The following RYR3 variants were observed in gnomAD, a reference collection of about 807,000 sequenced individuals.
RYR3 encodes the protein brain ryanodine receptor-calcium release channel.
RYR3 carries 207 observed loss-of-function variants against 584.3 expected under a neutral mutation model. The ratio of observed to expected loss-of-function variants is 0.35; its 90% confidence interval spans 0.32 to 0.40. The LOEUF (loss-of-function observed/expected upper bound fraction) is 0.40, where lower values mean the gene tolerates loss of function less well. Ranked by LOEUF, RYR3 falls within the 10% of genes least tolerant of loss-of-function variation. The pLI is 1.00. For synonymous variants in RYR3, 2,416 were observed against 2,248.5 expected (o/e 1.07, Z -2.11); for missense variants, 5,616 against 6,089.2 (o/e 0.92, Z 2.59).
chr15:33,832,671 A>T (rs1463787201), intron 86 of RYR3, among the ~76,000 whole-genome samples: 1 of 151,282 alleles, frequency 6.6e-6, no homozygotes, highest in Non-Finnish European at 1.5e-5. Flanking sequence ...AAAAAAAAAA[A>T]ACCCTACATA....
intron 3 of RYR3, among the ~76,000 whole-genome samples, chr15:33,519,980 C>T (rs936080154): frequency 6.6e-6 from 1 of 152,032 alleles, no homozygotes; most frequent in Non-Finnish European, 1.5e-5. Context: ...CGATCTCCAA[C>T]TAGGAAAATC....
At chr15:33,792,161 AAAGG>A (rs2152919953) in intron 67 of RYR3, among the ~76,000 whole-genome samples, 1 of 152,326 alleles carries the variant, frequency 6.6e-6, no homozygotes, top group South Asian at 2.1e-4. Flanking sequence ...AAGCATGGAT[AAAGG>A]AAGGGGAATG....
intron 1 of RYR3, among the ~76,000 whole-genome samples, chr15:33,379,687 C>CTCTATATATATATA: frequency 2.4e-5 from 3 of 125,500 alleles, no homozygotes; most frequent in South Asian, 2.5e-4. Context: ...CTCTCTCTCT[C>CTCTATATATATATA]TATATATATA....
At chr15:33,477,610 T>C in intron 2 of RYR3, among the ~76,000 whole-genome samples, 1 of 143,382 alleles carries the variant, frequency 7.0e-6, no homozygotes, top group Non-Finnish European at 1.5e-5. Context: ...GCGCGGTGGC[T>C]CACGCCTGTA....
Position 33,757,559 on chromosome 15 carries a change from G to A in RYR3, c.8668G>A (p.Gly2890Arg), listed in dbSNP as rs372740672. 20 of 1,611,250 alleles carry A rather than the reference G, an allele frequency of 1.2e-5. No homozygotes were observed. The highest frequency in any genetic ancestry group is 2.2e-5 in the East Asian group (1 of 44,794). The change falls in exon 60 of 104, where the codon GGA (glycine) becomes AGA (arginine). Residue 2890 changes from glycine (G) to arginine (R), a missense_variant. Physicochemically the swap from Gly to Arg is moderately radical, Grantham distance 125 (BLOSUM62 -2). Around this residue, in one of 9 missense-constraint regions of RYR3, gnomAD observed 1,280 missense variants for 1,426.2 expected, o/e 0.90. Coordinates refer to ENST00000634891, the MANE Select transcript of RYR3 (RefSeq NM_001036.6). The part of the protein sequence containing the change: ...SSPLKPLSSS[G>R]YASHKEKEMV... ...CCCTCTGAAGCCCCTTAGCAGCAGCGGATATGCCTCCCATAAGGAGAAAGA... is the reference window on the plus strand; with the variant it reads ...CCCTCTGAAGCCCCTTAGCAGCAGCAGATATGCCTCCCATAAGGAGAAAGA...
intron 67 of RYR3, among the ~76,000 whole-genome samples, chr15:33,796,278 G>A (rs1338574854): frequency 2.0e-5 from 3 of 152,048 alleles, no homozygotes; most frequent in Non-Finnish European, 1.5e-5. Context: ...GGGATTACAG[G>A]CATGCGCCAC....
intron 1 of RYR3, among the ~76,000 whole-genome samples, chr15:33,333,465 T>C (rs571412473): frequency 1.1e-4 from 17 of 152,340 alleles, no homozygotes; most frequent in Admixed American, 5.9e-4. Flanking sequence ...TCTCAATAGA[T>C]GCAGAAAAGG....
At chr15:33,703,649 C>T (rs772889374) in intron 42 of RYR3, among the ~76,000 whole-genome samples, 2 of 152,196 alleles carry the variant, frequency 1.3e-5, no homozygotes, top group Non-Finnish European at 2.9e-5. Flanking sequence ...AGGGCTTCCA[C>T]ATGAAATTTG....
At position 33,700,735 on chromosome 15, in the gene RYR3, C is replaced by T. The variant is rs145863437; in HGVS notation, c.6380-242C>T. On this transcript the variant is annotated intron_variant, in intron 41 of 103. Transcript: ENST00000634891. ...AAAAGCACTTGGAAATACATGGTCC[C>T]GGTTGGTAGTGTGAACCGATTTTGT... Among the ~76,000 whole-genome samples the T allele has an allele frequency of 7.0e-3, 1,063 of 152,150 alleles. 12 individuals carry two copies. The highest frequency in any genetic ancestry group is 0.024 in the African/African-American group (1,007 of 41,490).
At chr15:33,407,772 C>T (rs1382995312) in intron 1 of RYR3, among the ~76,000 whole-genome samples, 1 of 152,092 alleles carries the variant, frequency 6.6e-6, no homozygotes, top group Non-Finnish European at 1.5e-5. Context: ...AAAACAGGAG[C>T]ATAAAATCTG....
At chr15:33,644,993 C>CAG (rs374674131) in intron 28 of RYR3, among the ~76,000 whole-genome samples, 1 of 151,698 alleles carries the variant, frequency 6.6e-6, no homozygotes, top group Non-Finnish European at 1.5e-5. Context: ...GCCTGGGTGA[C>CAG]AGAGAGAGAC....
At chr15:33,851,181 T>G (rs2079084159) in intron 94 of RYR3, 1 of 152,200 alleles carries the variant, frequency 6.6e-6, no homozygotes, top group South Asian at 2.1e-4. Flanking sequence ...AGTTTCTGGC[T>G]TTTATAAACA....
At chr15:33,406,247 A>G (rs1255378783) in intron 1 of RYR3, among the ~76,000 whole-genome samples, 1 of 152,136 alleles carries the variant, frequency 6.6e-6, no homozygotes, top group Non-Finnish European at 1.5e-5. Context: ...TTCTTTTTTT[A>G]CCACCTTCTC....
In RYR3 at chr15:33,336,509, G is replaced by A. The variant is rs1236968009; in HGVS notation, c.51+25413G>A. 3.9e-4 allele frequency among the ~76,000 whole-genome samples: 23 copies of A among 59,684 alleles called. 3 individuals are homozygous for A. Among genetic ancestry groups the A allele is most frequent in the African/African-American group, 9.2e-4 (9 of 9,806 alleles). The allele number at this position is 59,684 out of a possible 152,430, so 39.2% of individuals were successfully genotyped here. ...GAGAAAGAAAGAAAGAAAGAAGGAG[G>A]GAAGGAGGGAAGGAGGGAAGGAGGG... On this transcript the variant is annotated intron_variant, in intron 1 of 103. Coordinates refer to ENST00000634891, the MANE Select transcript of RYR3 (RefSeq NM_001036.6).
intron 62 of RYR3, among the ~76,000 whole-genome samples, chr15:33,770,506 C>G (rs540535713): frequency 4.6e-5 from 7 of 152,272 alleles, no homozygotes; most frequent in African/African-American, 1.4e-4. Context: ...AATCCCAGCA[C>G]TTTGGGAGGC....
At chr15:33,597,693 TTAAAA>T (rs1463936551) in intron 16 of RYR3, among the ~76,000 whole-genome samples, 7 of 152,126 alleles carry the variant, frequency 4.6e-5, no homozygotes, top group African/African-American at 1.2e-4. Context: ...AATAGGAACT[TTAAAA>T]TAAGGACTAA....
intron 1 of RYR3, among the ~76,000 whole-genome samples, chr15:33,404,752 TTTAAC>T (rs1364544262): frequency 6.6e-6 from 1 of 152,202 alleles, no homozygotes; most frequent in Non-Finnish European, 1.5e-5. Context: ...ACTGAAATGA[TTTAAC>T]TTGTTTTTGA....
intron 60 of RYR3, among the ~76,000 whole-genome samples, chr15:33,758,833 C>G (rs55633458): frequency 2.7e-4 from 41 of 152,202 alleles, no homozygotes; most frequent in East Asian, 5.8e-4. Context: ...CCCTGAGCCC[C>G]GTGCCTCCTG....
intron 18 of RYR3, among the ~76,000 whole-genome samples, chr15:33,609,203 T>A (rs2060049678): frequency 6.6e-6 from 1 of 152,274 alleles, no homozygotes; most frequent in African/African-American, 2.4e-5. Flanking sequence ...CTGAATACTT[T>A]TAAAGACAAT....
Sources: gnomAD v4.1 joint callset for allele counts (sites outside exome capture counted in the v4.1 genomes callset) on GRCh38, gnomAD v4.1.1 for gene constraint, gnomAD v4.1.1 regional missense constraint, MANE v1.5 for transcripts, NCBI Gene and HGNC (gene_info 2026-07-23, HGNC 2026-07-21) for gene names.